The following TMCC1 variants were observed in gnomAD, a reference collection of about 807,000 sequenced individuals.
TMCC1 encodes the protein transmembrane and coiled-coil domain family 1.
In TMCC1, 15 loss-of-function variants were observed where a neutral mutation model predicts 52.4. The observed-to-expected ratio is 0.29, with a 90% confidence interval of 0.19 to 0.44. TMCC1 has a LOEUF of 0.44. TMCC1 is among the 20% of genes least tolerant of loss of function. TMCC1 has a pLI of 1.00. For synonymous variants in TMCC1, 279 were observed against 301.9 expected (o/e 0.92, Z 0.79); for missense variants, 503 against 806.0 (o/e 0.62, Z 4.55).
At chr3:129,805,080 T>C (rs1393368950) in intron 4 of TMCC1, among the ~76,000 whole-genome samples, 1 of 152,216 alleles carries the variant, frequency 6.6e-6, no homozygotes, top group Non-Finnish European at 1.5e-5. Flanking sequence ...GCTGGAGTTA[T>C]ATACCTTAAG....
intron 4 of TMCC1, among the ~76,000 whole-genome samples, chr3:129,806,641 G>A (rs908579846): frequency 3.3e-5 from 5 of 152,144 alleles, no homozygotes; most frequent in African/African-American, 1.2e-4. Context: ...ATAAAAGACA[G>A]AAACTAAAAC....
intron 4 of TMCC1, among the ~76,000 whole-genome samples, chr3:129,759,101 G>A (rs1009079274): frequency 1.3e-5 from 2 of 152,122 alleles, no homozygotes; most frequent in African/African-American, 2.4e-5. Context: ...GTCAGCTATT[G>A]TGATTAGTGC....
chr3:129,737,961 T>C (rs1277303859), intron 4 of TMCC1, among the ~76,000 whole-genome samples: 3 of 152,092 alleles, frequency 2.0e-5, no homozygotes, highest in East Asian at 1.9e-4. Flanking sequence ...TCCAGAACTA[T>C]ACTTCTTTCT....
At chr3:129,732,358 T>C (rs1029847086) in intron 4 of TMCC1, among the ~76,000 whole-genome samples, 10 of 152,156 alleles carry the variant, frequency 6.6e-5, no homozygotes, top group African/African-American at 2.2e-4. Flanking sequence ...GCAGTGCTTT[T>C]TGGATCTGTC....
chr3:129,748,266 T>C (rs1442694425), intron 4 of TMCC1, among the ~76,000 whole-genome samples: 1 of 152,100 alleles, frequency 6.6e-6, no homozygotes, highest in Non-Finnish European at 1.5e-5. Context: ...CTGCTACATA[T>C]GGGTAAATGG....
At chr3:129,775,679 T>C in intron 4 of TMCC1, among the ~76,000 whole-genome samples, 1 of 152,256 alleles carries the variant, frequency 6.6e-6, no homozygotes, top group South Asian at 2.1e-4. Flanking sequence ...AACTGGTTCT[T>C]TTCCTCATTT....
At chr3:129,835,278 TTTC>T (rs983844781) in intron 2 of TMCC1, among the ~76,000 whole-genome samples, 2 of 152,058 alleles carry the variant, frequency 1.3e-5, no homozygotes, top group African/African-American at 4.8e-5. Flanking sequence ...TGAATAAGTT[TTTC>T]TTTTCCAAAC....
chr3:129,793,184 C>T (rs2056591359), intron 4 of TMCC1, among the ~76,000 whole-genome samples: 1 of 152,106 alleles, frequency 6.6e-6, no homozygotes, highest in Non-Finnish European at 1.5e-5. Context: ...CACACACACA[C>T]ACACACCATG....
intron 4 of TMCC1, among the ~76,000 whole-genome samples, chr3:129,743,762 A>G (rs1311776783): frequency 6.6e-6 from 1 of 152,228 alleles, no homozygotes; most frequent in Non-Finnish European, 1.5e-5. Context: ...CATTCCTGCT[A>G]AAGAAAAAAT....
intron 4 of TMCC1, among the ~76,000 whole-genome samples, chr3:129,776,101 C>A (rs2055016876): frequency 6.6e-6 from 1 of 151,896 alleles, no homozygotes; most frequent in Non-Finnish European, 1.5e-5. Flanking sequence ...CACAGTCTTG[C>A]CTCTTTGCCT....
At chr3:129,692,947 A>T (rs2047132110) in intron 4 of TMCC1, among the ~76,000 whole-genome samples, 1 of 152,106 alleles carries the variant, frequency 6.6e-6, no homozygotes, top group African/African-American at 2.4e-5. Context: ...GGCTCAAGTG[A>T]TCCTCCTACC....
chr3:129,798,974 T>A (rs1004337667), intron 4 of TMCC1, among the ~76,000 whole-genome samples: 1 of 152,192 alleles, frequency 6.6e-6, no homozygotes, highest in African/African-American at 2.4e-5. Flanking sequence ...TTTTATTATA[T>A]AAGAACAGAT....
In TMCC1 at chr3:129,650,667, A is replaced by G. The variant is rs1046573700; in HGVS notation, c.*814T>C. 2.6e-5 allele frequency: 4 copies of G among 152,618 alleles called. No individual in the cohort carries two copies. Among genetic ancestry groups the G allele is most frequent in the African/African-American group, 7.2e-5 (3 of 41,450 alleles). 9.5% of individuals were successfully genotyped at this position (152,618 alleles called of 1,614,324 possible). ...ATAATAAAAAATCCTATTAGAAACC[A>G]TAAGGAAGCACTGAGAGTTTGAGTA... On this transcript the variant is annotated 3_prime_UTR_variant, in exon 7 of 7. Transcript: ENST00000393238.
intron 4 of TMCC1, among the ~76,000 whole-genome samples, chr3:129,824,636 G>A (rs909375904): frequency 6.6e-6 from 1 of 152,090 alleles, no homozygotes; most frequent in East Asian, 1.9e-4. Flanking sequence ...TACTTGCTTT[G>A]GCAATCAAGT....
In TMCC1 at chr3:129,671,284, T is replaced by C. The variant is rs752045529; in HGVS notation, c.577-20A>G. ...TTCGATCTAGTGTAAAAACAAGAGG[T>C]ACATGTTAGAAGCCCAAGAGGACTA... On this transcript the variant is annotated intron_variant, in intron 4 of 6. Coordinates refer to ENST00000393238, the MANE Select transcript of TMCC1 (RefSeq NM_001017395.5). The C allele has an allele frequency of 8.2e-6, 13 of 1,585,884 alleles. No homozygotes were observed. The highest frequency in any genetic ancestry group is 1.1e-5 in the Non-Finnish European group (13 of 1,165,334).
At chr3:129,742,778 A>G (rs1004719470) in intron 4 of TMCC1, among the ~76,000 whole-genome samples, 3 of 152,226 alleles carry the variant, frequency 2.0e-5, no homozygotes, top group Admixed American at 6.5e-5. Context: ...TCAACTGATA[A>G]ATGGATAAAA....
At chr3:129,886,226 C>G (rs2061692652) in intron 1 of TMCC1, among the ~76,000 whole-genome samples, 1 of 152,158 alleles carries the variant, frequency 6.6e-6, no homozygotes, top group East Asian at 1.9e-4. Context: ...GTTACCCTAT[C>G]TGGACCAAAA....
At position 129,837,089 on chromosome 3, in the gene TMCC1, C is replaced by T. The variant is rs115446307; in HGVS notation, c.-183-4263G>A. On this transcript the variant is annotated intron_variant, in intron 2 of 6. Transcript: ENST00000393238. ...CATCTTCACTGTTTCTCTAAAACAGCAATAGCCTTAAATGCAGGCGGAAAG... is the reference window on the plus strand; with the variant it reads ...CATCTTCACTGTTTCTCTAAAACAGTAATAGCCTTAAATGCAGGCGGAAAG... Among the ~76,000 whole-genome samples, 1,068 of 152,184 alleles carry T rather than the reference C, an allele frequency of 7.0e-3. 11 individuals carry two copies. The highest frequency in any genetic ancestry group is 0.025 in the African/African-American group (1,019 of 41,516).
chr3:129,726,868 CAAAAAAAAAAAAAAA>C (rs550398948), intron 4 of TMCC1, among the ~76,000 whole-genome samples: 7 of 12,814 alleles, frequency 5.5e-4, no homozygotes, highest in South Asian at 0.011. Context: ...GACTCTGTCT[CAAAAAAAAAAAAAAA>C]AAAAAAAAAA....
Sources: gnomAD v4.1 joint callset for allele counts (sites outside exome capture counted in the v4.1 genomes callset) on GRCh38, gnomAD v4.1.1 for gene constraint, MANE v1.5 for transcripts, NCBI Gene and HGNC (gene_info 2026-07-23, HGNC 2026-07-21) for gene names.